The following MDN1 variants were observed in gnomAD, a reference collection of about 807,000 sequenced individuals.
The protein encoded by MDN1 is midasin.
MDN1 carries 266 observed loss-of-function variants against 669.2 expected under a neutral mutation model. That is an observed-to-expected ratio of 0.40 (90% CI 0.36 to 0.44). MDN1 has a LOEUF of 0.44. Ranked by LOEUF, MDN1 falls within the 20% of genes least tolerant of loss-of-function variation. The pLI is 1.00. For synonymous variants in MDN1, 2,385 were observed against 2,457.1 expected (o/e 0.97, Z 0.87); for missense variants, 5,940 against 6,754.0 (o/e 0.88, Z 4.22).
rs557673866 is a variant in MDN1, at chr6:89,735,124, G to A, written c.4724-2349C>T. ...AGTATAGTCTCAATCTCTTGACCTC[G>A]TGATCTGCCCTCCTCGGCCTCCCAA... On this transcript the variant is annotated intron_variant, in intron 33 of 101. Transcript: ENST00000369393. 1.1e-4 allele frequency among the ~76,000 whole-genome samples: 16 copies of A among 152,080 alleles called. No individual in the cohort carries two copies. In the South Asian group the frequency reaches 1.9e-3, roughly 18 times the overall value.
At chr6:89,703,021 C>T (rs568942526) in intron 53 of MDN1, among the ~76,000 whole-genome samples, 21 of 151,940 alleles carry the variant, frequency 1.4e-4, no homozygotes, top group Non-Finnish European at 2.8e-4. Flanking sequence ...CTGCAACCTC[C>T]GCTTCCCAGG....
In MDN1 at chr6:89,794,193, C is replaced by T; in HGVS notation, c.569G>A (p.Cys190Tyr). Residue 190 changes from cysteine (C) to tyrosine (Y), a missense_variant, in exon 4 of 102, where the codon TGT (cysteine) becomes TAT (tyrosine). By Grantham distance (194) the Cys-to-Tyr change is radical. Around this residue, in one of 5 missense-constraint regions of MDN1, gnomAD observed 1,203 missense variants for 1,268.9 expected, o/e 0.95. Coordinates refer to ENST00000369393, the MANE Select transcript of MDN1 (RefSeq NM_014611.3). ...ATTCATACAGGTAACCAAAGCAAGA[C>T]AATTGGCTGTATACCTAGGGAAAAA... ...DTLVRWYTAN[C>Y]LALVTCMNEE... 6.3e-7 allele frequency: 1 copy of T among 1,585,330 alleles called. No individual in the cohort carries two copies.
rs1482049921 is a variant in MDN1, at chr6:89,801,147, G to A, written c.329+2181C>T. Among the ~76,000 whole-genome samples the A allele has an allele frequency of 3.3e-5, 5 of 152,316 alleles. No individual in the cohort carries two copies. The East Asian group carries it at 9.7e-4, about 29-fold the overall frequency. The stretch of plus-strand genomic sequence containing the variant: ...GTGGTGGCTCATGTCTGTAATCCCA[G>A]CACTTTGGGAGGCCAAGGCGGGCAG... On this transcript the variant is annotated intron_variant, in intron 2 of 101. Transcript: ENST00000369393.
intron 24 of MDN1, 50 bp downstream of exon 24, chr6:89,750,304 T>C (rs1415497731): frequency 5.3e-6 from 8 of 1,502,026 alleles, no homozygotes; most frequent in Non-Finnish European, 6.4e-6. Context: ...TAAGGAAATG[T>C]GTGTGAAAGA....
intron 61 of MDN1, among the ~76,000 whole-genome samples, chr6:89,694,918 T>C (rs1253249650): frequency 6.6e-6 from 1 of 152,130 alleles, no homozygotes; most frequent in Non-Finnish European, 1.5e-5. Context: ...GATATAGGGA[T>C]ACTATATTCT....
At chr6:89,766,047 C>T (rs1584339092) in intron 15 of MDN1, among the ~76,000 whole-genome samples, 2 of 152,216 alleles carry the variant, frequency 1.3e-5, no homozygotes, top group African/African-American at 4.8e-5. Context: ...GTAATCCCAG[C>T]ACTTTGGGAC....
intron 2 of MDN1, among the ~76,000 whole-genome samples, chr6:89,800,213 A>C (rs574215763): frequency 7.2e-5 from 11 of 152,274 alleles, no homozygotes; most frequent in African/African-American, 2.6e-4. Context: ...AGATCACCTG[A>C]GATCGGGAGT....
intron 51 of MDN1, 42 bp downstream of exon 51, chr6:89,708,454 C>G: frequency 6.2e-7 from 1 of 1,604,358 alleles, no homozygotes; most frequent in Non-Finnish European, 8.5e-7. Context: ...ATCCGAGAAG[C>G]CAGTGAGGCA....
At chr6:89,811,356 A>T (rs1768401910) in intron 1 of MDN1, among the ~76,000 whole-genome samples, 1 of 152,176 alleles carries the variant, frequency 6.6e-6, no homozygotes, top group East Asian at 1.9e-4. Context: ...GGTCTTGCTA[A>T]TCAAAGCATC....
chr6:89,718,371 T>A lies in MDN1; in HGVS notation c.6578A>T (p.Lys2193Met), dbSNP rs1446132718. ...RLNNKINSYCKAEFAKLVEEF... is the reference protein window; with the variant it reads ...RLNNKINSYCMAEFAKLVEEF... ...AGAGATCCAAATATACATACCTGCCTTGCAGTATGAGTTGATTTTATTGTT... is the reference window on the plus strand; with the variant it reads ...AGAGATCCAAATATACATACCTGCCATGCAGTATGAGTTGATTTTATTGTT... The change falls in exon 43 of 102, where the codon AAG becomes ATG. Residue 2193 changes from lysine to methionine, a missense_variant. By Grantham distance (95) the Lys-to-Met change is moderately conservative. Transcript: ENST00000369393. 1 of 1,613,482 alleles carries A rather than the reference T, an allele frequency of 6.2e-7. No homozygotes were observed. The highest frequency in any genetic ancestry group is 1.7e-5 in the Admixed American group (1 of 60,026).
At chr6:89,748,744 T>A (rs933386923) in intron 26 of MDN1, among the ~76,000 whole-genome samples, 4 of 151,858 alleles carry the variant, frequency 2.6e-5, no homozygotes, top group African/African-American at 4.8e-5. Context: ...AAAATATATA[T>A]TATTGGGAAG....
Position 89,690,049 on chromosome 6 carries a change from A to G in MDN1, c.10844T>C (p.Leu3615Pro), listed in dbSNP as rs1016587549. 6.2e-7 allele frequency: 1 copy of G among 1,614,190 alleles called. No homozygotes were observed. Among genetic ancestry groups the G allele is most frequent in the Non-Finnish European group, 8.5e-7 (1 of 1,180,026 alleles). Residue 3615 changes from leucine (L) to proline (P), a missense_variant, in exon 65 of 102, where the codon CTC (leucine) becomes CCC (proline). Physicochemically the swap from Leu to Pro is moderately conservative, Grantham distance 98. This residue lies in a region of MDN1 where 2,280 missense variants were observed against 2,576.3 expected (regional missense o/e 0.88). Transcript: ENST00000369393. The part of the protein sequence containing the change: ...EEEAGTNPAL[L>P]SQNSMQAVML... ...TACTGCCTGCATTGAATTCTGGGAG[A>G]GGAGAGCTGGGTTTGTGCCTGCTTC... is the stretch of plus-strand genomic sequence containing the variant.
chr6:89,660,453 G>A (rs1270635573), intron 88 of MDN1, among the ~76,000 whole-genome samples: 2 of 151,468 alleles, frequency 1.3e-5, no homozygotes, highest in African/African-American at 4.8e-5. Context: ...CAAAGTGTTG[G>A]GATTACAGAC....
chr6:89,743,299 G>A lies in MDN1; in HGVS notation c.4318-19C>T. The A allele has an allele frequency of 6.2e-7, 1 of 1,613,876 alleles. No homozygotes were observed. The highest frequency in any genetic ancestry group is 8.5e-7 in the Non-Finnish European group (1 of 1,179,896). On this transcript the variant is annotated intron_variant, in intron 30 of 101. Transcript: ENST00000369393. ...TTTCTTCCTATAATTTGAAAAAGTG[G>A]GGAAAATTAAAGGGCAGGTGGCTCC...
chr6:89,811,287 G>A (rs535184563), intron 1 of MDN1, among the ~76,000 whole-genome samples: 10 of 152,228 alleles, frequency 6.6e-5, no homozygotes, highest in East Asian at 3.9e-4. Context: ...AGTATCTAGC[G>A]GGTGGGTGGG....
rs762270530 is a variant in MDN1, at chr6:89,780,310, G to A, written c.1644-17C>T. 2 of 1,521,650 alleles carry A rather than the reference G, an allele frequency of 1.3e-6. No individual in the cohort carries two copies. The highest frequency in any genetic ancestry group is 1.8e-6 in the Non-Finnish European group (2 of 1,130,116). 94.3% of individuals were successfully genotyped at this position (1,521,650 alleles called of 1,614,324 possible). A position where few individuals can be genotyped will look rare whatever the true frequency, so the allele number is the denominator to read the frequency against. On this transcript the variant is annotated splice_polypyrimidine_tract_variant and intron_variant, in intron 10 of 101. Transcript: ENST00000369393. ...AGCAGATCCCTTTAAAAAAAAGAAA[G>A]AAAAGAAAAAACAAAGAAAAGACCA... is the stretch of plus-strand genomic sequence containing the variant.
intron 30 of MDN1, 124 bp downstream of exon 30, chr6:89,743,452 G>T: frequency 7.4e-7 from 1 of 1,353,554 alleles, no homozygotes; most frequent in Non-Finnish European, 1.0e-6. Context: ...TTGTAGACCA[G>T]AGAAAATCTG....
In MDN1 at chr6:89,662,937, C is replaced by T. The variant is rs763149257; in HGVS notation, c.14267G>A (p.Gly4756Asp). The change falls in exon 86 of 102, where the codon GGC becomes GAC. Residue 4756 changes from glycine to aspartate, a missense_variant. Transcript: ENST00000369393. The part of the protein sequence containing the change: ...EEDDEKSDSE[G>D]GDLDKHMGDL... ...GCCCATGTGTTTATCCAGGTCTCCG[C>T]CCTCACTATCTGATTTCTCATCATC... 3 of 1,614,112 alleles carry T rather than the reference C, an allele frequency of 1.9e-6. No individual in the cohort carries two copies. The highest frequency in any genetic ancestry group is 2.2e-5 in the South Asian group (2 of 91,068).
chr6:89,672,686 G>A lies in MDN1; in HGVS notation c.13491C>T (p.Asp4497=), dbSNP rs6929989. The stretch of plus-strand genomic sequence containing the variant: ...CTGAAAAATCTTCCACAAATCCTTC[G>A]TCCAACATTTGATTTCCTAGCAGGT... ...SDSQGGNQML[D]EGFVEDFSEQ... is the part of the protein sequence containing the mutation. Residue 4497 remains aspartate, a synonymous_variant, in exon 81 of 102, where the codon GAC becomes GAT. Transcript: ENST00000369393. 1,803 of 1,613,646 alleles carry A rather than the reference G, an allele frequency of 1.1e-3. 18 individuals carry two copies. In the African/African-American group the frequency reaches 0.022, roughly 19 times the overall value.
Sources: gnomAD v4.1 joint callset for allele counts (sites outside exome capture counted in the v4.1 genomes callset) on GRCh38, gnomAD v4.1.1 for gene constraint, gnomAD v4.1.1 regional missense constraint, MANE v1.5 for transcripts, NCBI Gene and HGNC (gene_info 2026-07-23, HGNC 2026-07-21) for gene names.